Variants in PRIM2 observed in about 807,000 individuals in gnomAD.
PRIM2 encodes DNA primase large subunit.
A neutral mutation model predicts 67.3 loss-of-function variants in PRIM2; 39 were observed. The observed-to-expected ratio is 0.58, with a 90% CI of 0.45 to 0.76. The LOEUF is 0.76. Among genes scored for constraint, PRIM2 ranks in the 30% least tolerant of loss-of-function variants. The probability of loss-of-function intolerance (pLI) is 0.00; values close to 1 mark genes in which losing one functional copy is unlikely to be tolerated. For synonymous variants in PRIM2, 143 were observed against 198.7 expected (o/e 0.72, Z 2.36); for missense variants, 398 against 598.7 (o/e 0.66, Z 3.50).
the PRIM2 span, among the ~76,000 whole-genome samples, chr6:57,269,648 G>A: frequency 3.3e-5 from 5 of 152,054 alleles, no homozygotes; most frequent in Non-Finnish European, 7.4e-5. Context: ...GATCCCATTT[G>A]TCAATTTTGG....
chr6:57,338,288 A>G (rs1166813020), intron 5 of PRIM2, among the ~76,000 whole-genome samples: 1 of 152,182 alleles, frequency 6.6e-6, no homozygotes, highest in Admixed American at 6.5e-5. Flanking sequence ...TACAAGGAGG[A>G]ACTGGTACCA....
At chr6:57,558,075 T>G (rs1261151520) in intron 10 of PRIM2, among the ~76,000 whole-genome samples, 1 of 152,134 alleles carries the variant, frequency 6.6e-6, no homozygotes, top group Admixed American at 6.5e-5. Context: ...AGCCCAGACC[T>G]ATTTGCCAGT....
the PRIM2 span, among the ~76,000 whole-genome samples, chr6:57,228,208 T>C: frequency 6.4e-3 from 973 of 152,374 alleles, 13 homozygotes; most frequent in African/African-American, 0.022. Flanking sequence ...GCTGATTTTT[T>C]CAGTAATGAA....
intron 10 of PRIM2, among the ~76,000 whole-genome samples, chr6:57,567,159 G>T (rs1461564062): frequency 2.6e-5 from 4 of 152,000 alleles, no homozygotes; most frequent in Admixed American, 2.0e-4. Flanking sequence ...TCAGCATGGG[G>T]ATTAGAAAAA....
rs76615310 is a variant in PRIM2, at chr6:57,457,629, G to A, written c.694-49758G>A. On this transcript the variant is annotated intron_variant, in intron 7 of 13. Coordinates refer to ENST00000615550, the MANE Select transcript of PRIM2 (RefSeq NM_000947.5). ...TCTTGGTGTGCCATTTGCTATGACC[G>A]TTGTAAAAGTGCAGTATTGGGGTGG... Among the ~76,000 whole-genome samples the A allele has an allele frequency of 1.3e-3, 202 of 152,298 alleles. 5 individuals are homozygous for A. The East Asian group carries it at 0.017, about 13-fold the overall frequency.
chr6:57,621,837 G>T (rs1167976919), intron 12 of PRIM2, among the ~76,000 whole-genome samples: 63 of 152,160 alleles, frequency 4.1e-4, no homozygotes, highest in African/African-American at 1.4e-3. Context: ...CTACCTGAAG[G>T]ATTTACTCTA....
At chr6:57,313,426 G>T (rs1253515114), upstream of PRIM2, among the ~76,000 whole-genome samples, 1 of 152,134 alleles carries the variant, frequency 6.6e-6, no homozygotes, top group Admixed American at 6.5e-5. Flanking sequence ...CTGGCACTTA[G>T]TAAGTGTTTA....
chr6:57,520,002 A>T (rs1774578461), intron 8 of PRIM2, among the ~76,000 whole-genome samples: 1 of 152,178 alleles, frequency 6.6e-6, no homozygotes, highest in Non-Finnish European at 1.5e-5. Context: ...CCAGGAACAA[A>T]ACTGTTACAT....
intron 10 of PRIM2, among the ~76,000 whole-genome samples, chr6:57,591,340 A>C (rs1776278595): frequency 6.6e-6 from 1 of 152,196 alleles, no homozygotes; most frequent in Non-Finnish European, 1.5e-5. Context: ...TGTGCTAAGA[A>C]AAGGCCATAA....
intron 7 of PRIM2, among the ~76,000 whole-genome samples, chr6:57,484,522 A>T (rs1773710015): frequency 6.6e-6 from 1 of 152,240 alleles, no homozygotes; most frequent in African/African-American, 2.4e-5. Context: ...ATCCAAAAGC[A>T]TGCTCTGGTC....
At chr6:57,416,201 G>T (rs7738489) in intron 7 of PRIM2, among the ~76,000 whole-genome samples, 73,575 of 151,916 alleles carry the variant, frequency 0.48, 17,835 homozygotes, top group Middle Eastern at 0.59. Context: ...CAGCAGAATG[G>T]ATATTGTGTT....
intron 13 of PRIM2, among the ~76,000 whole-genome samples, chr6:57,636,213 A>T (rs1777119027): frequency 6.6e-6 from 1 of 152,236 alleles, no homozygotes; most frequent in Admixed American, 6.5e-5. Flanking sequence ...AAGAAACAAA[A>T]GAGTCACAGT....
the PRIM2 span, among the ~76,000 whole-genome samples, chr6:57,273,171 C>T: frequency 1.1e-4 from 16 of 152,236 alleles, no homozygotes; most frequent in South Asian, 3.3e-3. Context: ...TGAATGTTGG[C>T]CTGCCTTGCT....
the PRIM2 span, among the ~76,000 whole-genome samples, chr6:57,239,468 C>T: frequency 0.89 from 135,298 of 152,150 alleles, 60,421 homozygotes; most frequent in South Asian, 0.98. Context: ...TGTGTAGTGA[C>T]GCATGCCTAT....
chr6:57,591,833 G>A (rs1451010502), intron 10 of PRIM2, among the ~76,000 whole-genome samples: 2 of 151,160 alleles, frequency 1.3e-5, no homozygotes, highest in Non-Finnish European at 3.0e-5. Flanking sequence ...ATACCCAAAG[G>A]AAAATAAATT....
chr6:57,425,876 C>T (rs555289467), intron 7 of PRIM2, among the ~76,000 whole-genome samples: 2 of 152,076 alleles, frequency 1.3e-5, no homozygotes, highest in South Asian at 4.1e-4. Context: ...TAGGTGGAAA[C>T]TCAGAATTTC....
In PRIM2 at chr6:57,589,343, A is replaced by T. The variant is rs1278785774; in HGVS notation, c.1021-11750A>T. Among the ~76,000 whole-genome samples the T allele has an allele frequency of 1.6e-4, 24 of 152,138 alleles. 1 individual carries two copies. The highest frequency in any genetic ancestry group is 1.6e-3 in the Admixed American group (24 of 15,278). On this transcript the variant is annotated intron_variant, in intron 10 of 13. Transcript: ENST00000615550. ...CTCACTTGGCAACAGGTACTGGCTG[A>T]TCCTGGGCTTCATCTGAAGGAGATG...
intron 4 of PRIM2, 25 bp downstream of exon 4, chr6:57,324,305 A>T (rs1254550685): frequency 7.0e-7 from 1 of 1,422,812 alleles, no homozygotes; most frequent in Non-Finnish European, 9.8e-7. Context: ...ATATTCTCAC[A>T]GTCAAATCTG....
intron 7 of PRIM2, among the ~76,000 whole-genome samples, chr6:57,507,062 T>G (rs1774265278): frequency 1.3e-5 from 2 of 152,106 alleles, no homozygotes; most frequent in Admixed American, 6.6e-5. Context: ...AGTTTTTCCA[T>G]TTTTATTTAC....
Sources: allele counts gnomAD v4.1 joint callset (sites outside exome capture counted in the v4.1 genomes callset), GRCh38; gene constraint gnomAD v4.1.1; transcripts MANE v1.5; gene names NCBI Gene and HGNC (gene_info 2026-07-23, HGNC 2026-07-21).